NEO1: variants seen among roughly 807,000 people sequenced by gnomAD.
NEO1 encodes the protein neogenin 1.
Under a neutral mutation model 159.7 loss-of-function variants are expected in NEO1, and 63 were observed. The observed-to-expected ratio is 0.39, with a 90% CI of 0.32 to 0.49. The LOEUF is 0.49. NEO1 is among the 20% of genes least tolerant of loss of function. The probability of loss-of-function intolerance (pLI) is 0.85; values close to 1 mark genes in which losing one functional copy is unlikely to be tolerated. For synonymous variants in NEO1, 633 were observed against 662.0 expected (o/e 0.96, Z 0.67); for missense variants, 1,615 against 1,831.0 (o/e 0.88, Z 2.15).
intron 22 of NEO1, among the ~76,000 whole-genome samples, chr15:73,281,147 G>C (rs2041678414): frequency 6.7e-6 from 1 of 148,288 alleles, no homozygotes; most frequent in African/African-American, 2.5e-5. Context: ...GGCGGAGCTT[G>C]CAGTGAGCGG....
At chr15:73,186,458 A>G (rs1002568591) in intron 7 of NEO1, among the ~76,000 whole-genome samples, 1 of 152,234 alleles carries the variant, frequency 6.6e-6, no homozygotes, top group Admixed American at 6.5e-5. Context: ...CCATGCTACA[A>G]GAAATGTGAA....
At position 73,270,330 on chromosome 15, in the gene NEO1, C is replaced by G; in HGVS notation, c.2733C>G (p.Thr911=). ...GTTTTTTTCAGAATGCAAATGCAAC[C>G]ACTTTGAGTTATTTGGTGACTGGTT... ...ANTKYKNANA[T]TLSYLVTGLK... Residue 911 remains threonine, a synonymous_variant, in exon 18 of 29, where the codon ACC becomes ACG. Coordinates refer to ENST00000261908, the MANE Select transcript of NEO1 (RefSeq NM_002499.4). The G allele has an allele frequency of 6.2e-7, 1 of 1,614,040 alleles. No homozygotes were observed. Among genetic ancestry groups the G allele is most frequent in the Non-Finnish European group, 8.5e-7 (1 of 1,180,024 alleles).
chr15:73,250,557 A>G (rs1473106374), intron 11 of NEO1, among the ~76,000 whole-genome samples: 1 of 152,180 alleles, frequency 6.6e-6, no homozygotes, highest in African/African-American at 2.4e-5. Context: ...AAGACACAAT[A>G]TTACTTCTGT....
intron 21 of NEO1, among the ~76,000 whole-genome samples, chr15:73,275,113 A>G (rs1463349237): frequency 2.6e-5 from 4 of 152,210 alleles, no homozygotes; most frequent in East Asian, 1.9e-4. Context: ...CCAATTGTTT[A>G]TATTTGTAGC....
chr15:73,071,518 TTTTGTTTG>T (rs933975415), intron 1 of NEO1, among the ~76,000 whole-genome samples: 13 of 151,900 alleles, frequency 8.6e-5, no homozygotes, highest in Non-Finnish European at 1.8e-4. Flanking sequence ...CTTAGATGTT[TTTTGTTTG>T]TTTGTTTGTT....
intron 5 of NEO1, among the ~76,000 whole-genome samples, chr15:73,150,442 AG>A: frequency 6.6e-6 from 1 of 152,310 alleles, no homozygotes; most frequent in Admixed American, 6.5e-5. Flanking sequence ...AAAAAGCTGA[AG>A]GAATTTTACA....
At chr15:73,222,492 C>T (rs1678249) in intron 7 of NEO1, among the ~76,000 whole-genome samples, 152,208 of 152,210 alleles carry the variant, frequency 1, 76,103 homozygotes, top group Non-Finnish European at 1. Context: ...GAGGGTTGTA[C>T]TTTTCCAGGA....
chr15:73,063,004 A>G (rs919426243), intron 1 of NEO1, among the ~76,000 whole-genome samples: 1 of 152,218 alleles, frequency 6.6e-6, no homozygotes, highest in Non-Finnish European at 1.5e-5. Flanking sequence ...ATCTATATAG[A>G]TGGGTTTCCA....
rs369218044 is a variant in NEO1 at position 73,197,518 on chromosome 15, C to G, written c.1291+19091C>G. Among the ~76,000 whole-genome samples, 6 of 152,004 alleles carry G rather than the reference C, an allele frequency of 3.9e-5. No individual in the cohort carries two copies. The East Asian group carries it at 1.2e-3, about 29-fold the overall frequency. On this transcript the variant is annotated intron_variant, in intron 7 of 28. Transcript: ENST00000261908. ...ACTCCATTTCATCAAATCTAAGGTA[C>G]CATGCATTATGAGATACAACCTGAT...
chr15:73,146,698 T>C (rs759355463), intron 5 of NEO1, among the ~76,000 whole-genome samples: 94 of 152,206 alleles, frequency 6.2e-4, no homozygotes, highest in Non-Finnish European at 9.7e-4. Context: ...TCAGATATTC[T>C]AGAAAAGACC....
chr15:73,179,198 A>C (rs186912792), intron 7 of NEO1, among the ~76,000 whole-genome samples: 50 of 152,296 alleles, frequency 3.3e-4, no homozygotes, highest in African/African-American at 1.1e-3. Flanking sequence ...GATTGGAGTA[A>C]CAAAGGTTTG....
At chr15:73,183,737 T>A (rs1266960590) in intron 7 of NEO1, among the ~76,000 whole-genome samples, 1 of 151,848 alleles carries the variant, frequency 6.6e-6, no homozygotes, top group Non-Finnish European at 1.5e-5. Context: ...GCTGGAGTGG[T>A]TGAAAACTCA....
At chr15:73,227,656 C>T (rs1450344284) in intron 7 of NEO1, among the ~76,000 whole-genome samples, 1 of 152,194 alleles carries the variant, frequency 6.6e-6, no homozygotes, top group Non-Finnish European at 1.5e-5. Flanking sequence ...CAGGTCAGAG[C>T]GGACAGCAAT....
chr15:73,100,547 C>G (rs1036112601), intron 1 of NEO1, among the ~76,000 whole-genome samples: 1 of 152,068 alleles, frequency 6.6e-6, no homozygotes. Context: ...GTTGGCCAGG[C>G]TGGTCTTGAA....
At chr15:73,106,237 A>G (rs1465305317) in intron 1 of NEO1, among the ~76,000 whole-genome samples, 1 of 152,094 alleles carries the variant, frequency 6.6e-6, no homozygotes, top group Non-Finnish European at 1.5e-5. Context: ...AAATAATACA[A>G]TTTTTTTATT....
chr15:73,164,159 C>T (rs2034399296), intron 5 of NEO1, among the ~76,000 whole-genome samples: 1 of 150,384 alleles, frequency 6.6e-6, no homozygotes, highest in African/African-American at 2.4e-5. Context: ...TCCCAAGTAG[C>T]TGGGATTACA....
In NEO1 at chr15:73,272,487, G is replaced by A. The variant is rs1248028757; in HGVS notation, c.2890G>A (p.Val964Met). 1 of 1,613,986 alleles carries A rather than the reference G, an allele frequency of 6.2e-7. No homozygotes were observed. Among genetic ancestry groups the A allele is most frequent in the African/African-American group, 1.3e-5 (1 of 74,924 alleles). ...TTCTCCACCCAAGGATGTGACTGTT[G>A]TGAGTAAAGAGGGGAAACCTAAGAC... ...PTSPPKDVTV[V>M]SKEGKPKTII... The change falls in exon 19 of 29, where the codon GTG becomes ATG. Residue 964 changes from valine (V) to methionine (M), a missense_variant. By Grantham distance (21) the Val-to-Met change is conservative. This residue lies in a region of NEO1 where 126 missense variants were observed against 216.7 expected (regional missense o/e 0.58). Transcript: ENST00000261908.
At position 73,304,442 on chromosome 15, in the gene NEO1, C is replaced by T. The variant is rs928221000; in HGVS notation, c.*1746C>T. The T allele has an allele frequency of 6.6e-6, 1 of 152,244 alleles. No homozygotes were observed. The highest frequency in any genetic ancestry group is 6.5e-5 in the Admixed American group (1 of 15,280). 9.4% of individuals were successfully genotyped at this position (152,244 alleles called of 1,614,324 possible). A position where few individuals can be genotyped will look rare whatever the true frequency, so the allele number is the denominator to read the frequency against. The stretch of plus-strand genomic sequence containing the variant: ...CAGCTGCTGAAACCACCAGTGGGTA[C>T]CCCAGGCCACCTGCCTTTGAACTTG... On this transcript the variant is annotated 3_prime_UTR_variant, in exon 29 of 29. Coordinates refer to ENST00000261908, the MANE Select transcript of NEO1 (RefSeq NM_002499.4).
At chr15:73,261,965 C>G (rs1719036635) in intron 15 of NEO1, among the ~76,000 whole-genome samples, 2 of 152,056 alleles carry the variant, frequency 1.3e-5, no homozygotes, top group Admixed American at 1.3e-4. Context: ...AGAAATAGAT[C>G]CATATGTATA....
Sources: allele counts gnomAD v4.1 joint callset (sites outside exome capture counted in the v4.1 genomes callset), GRCh38; gene constraint gnomAD v4.1.1; regional missense constraint gnomAD v4.1.1; transcripts MANE v1.5; gene names NCBI Gene and HGNC (gene_info 2026-07-23, HGNC 2026-07-21).